Variants in ADA2 observed in about 807,000 individuals in gnomAD.
The protein encoded by ADA2 is adenosine deaminase CECR1.
ADA2 carries 29 observed loss-of-function variants against 44.2 expected under a neutral mutation model. The observed-to-expected ratio is 0.66, with a 90% CI of 0.49 to 0.89. The LOEUF is 0.89. Ranked by LOEUF, ADA2 falls within the 40% of genes least tolerant of loss-of-function variation. The probability of loss-of-function intolerance (pLI) is 0.00; values close to 1 mark genes in which losing one functional copy is unlikely to be tolerated. For synonymous variants in ADA2, 215 were observed against 234.9 expected (o/e 0.92, Z 0.77); for missense variants, 637 against 644.8 (o/e 0.99, Z 0.13).
At chr22:17,205,475 G>A (rs1490224259) in intron 3 of ADA2, among the ~76,000 whole-genome samples, 2 of 152,122 alleles carry the variant, frequency 1.3e-5, no homozygotes, top group Admixed American at 6.6e-5. Context: ...ATGGCAGCTC[G>A]AGCAGGTTAA....
At chr22:17,189,565 A>T (rs2062088876) in intron 6 of ADA2, among the ~76,000 whole-genome samples, 1 of 152,114 alleles carries the variant, frequency 6.6e-6, no homozygotes, top group Non-Finnish European at 1.5e-5. Context: ...GGGGCTGGTG[A>T]GGGTTTTAAG....
chr22:17,214,598 C>T (rs1053163625), intron 1 of ADA2, among the ~76,000 whole-genome samples: 1 of 152,114 alleles, frequency 6.6e-6, no homozygotes, highest in Non-Finnish European at 1.5e-5. Flanking sequence ...GCATGGGTGC[C>T]CCTCCAAGCT....
At chr22:17,198,500 A>T (rs2062222383) in intron 4 of ADA2, 1 of 152,242 alleles carries the variant, frequency 6.6e-6, no homozygotes, top group Non-Finnish European at 1.5e-5. Context: ...TCATTCAGCA[A>T]GGAGCCAAAT....
At position 17,203,543 on chromosome 22, in the gene ADA2, G is replaced by C. The variant is rs2286349; in HGVS notation, c.753+20C>G. ...CAGAGCAAAGGAGGTGGGAGGAACA[G>C]AGAGGAGAGCTGGGCTCACCGGCAG... is the stretch of plus-strand genomic sequence containing the variant. On this transcript the variant is annotated intron_variant, in intron 4 of 9. Transcript: ENST00000399837. 3.3e-5 allele frequency: 53 copies of C among 1,598,476 alleles called. No homozygotes were observed. In the East Asian group the frequency reaches 1.2e-3, roughly 35 times the overall value.
At chr22:17,211,230 A>G (rs5748945) in intron 1 of ADA2, among the ~76,000 whole-genome samples, 85,348 of 151,404 alleles carry the variant, frequency 0.56, 25,170 homozygotes, top group East Asian at 0.93. Flanking sequence ...ATGGTGACGC[A>G]TGCCTGTAGT....
At chr22:17,210,595 A>T (rs1363489427) in intron 1 of ADA2, among the ~76,000 whole-genome samples, 1 of 151,742 alleles carries the variant, frequency 6.6e-6, no homozygotes, top group East Asian at 1.9e-4. Flanking sequence ...TATTTTATTT[A>T]TTTTAATTTT....
At chr22:17,219,784 C>T (rs1344286862), upstream of ADA2, among the ~76,000 whole-genome samples, 2 of 148,594 alleles carry the variant, frequency 1.3e-5, no homozygotes, top group East Asian at 2.0e-4. Context: ...AAGCAGTTCT[C>T]CTGCCTCAGC....
intron 7 of ADA2, 67 bp downstream of exon 7, chr22:17,188,272 G>A (rs1474870164): frequency 2.9e-5 from 34 of 1,158,408 alleles, no homozygotes; most frequent in Non-Finnish European, 4.1e-5. Flanking sequence ...CCTGAGGCAT[G>A]GGCCTGTGGC....
chr22:17,209,738 G>A lies in ADA2; in HGVS notation c.-46-15C>T, dbSNP rs1056885131. ...ACTCCACGGGACTGCAAAGGAGAGT[G>A]GGGGAGTGAAAACCTACAGATTTAA... On this transcript the variant is annotated splice_polypyrimidine_tract_variant and intron_variant, in intron 1 of 9. Transcript: ENST00000399837. 3.7e-5 allele frequency: 51 copies of A among 1,366,774 alleles called. No homozygotes were observed. In the South Asian group the frequency reaches 5.0e-4, roughly 13 times the overall value. The allele number at this position is 1,366,774 out of a possible 1,614,324, so 84.7% of individuals were successfully genotyped here.
At chr22:17,195,446 T>C (rs5994194) in intron 4 of ADA2, among the ~76,000 whole-genome samples, 11,857 of 152,042 alleles carry the variant, frequency 0.078, 1,238 homozygotes, top group African/African-American at 0.24. Flanking sequence ...GGAGAATCGC[T>C]TGAACCCGGG....
chr22:17,199,805 GGCATGGCTC>G lies in ADA2; in HGVS notation c.753+3749_753+3757del, dbSNP rs1450261984. The G allele has an allele frequency of 2.2e-6, 3 of 1,372,144 alleles. No homozygotes were observed. The Admixed American group carries it at 8.6e-5, about 39-fold the overall frequency. The allele number at this position is 1,372,144 out of a possible 1,614,324, so 85.0% of individuals were successfully genotyped here. On this transcript the variant is annotated intron_variant, in intron 4 of 9. Transcript: ENST00000399837. ...CATCAATAAGATGAATTAATAGCTG[GGCATGGCTC>G]GCGTCTGTAATCCTAGTACTTTGGG...
In ADA2 at chr22:17,181,848, G is replaced by C; in HGVS notation, c.1414C>G (p.Leu472Val). The C allele has an allele frequency of 6.2e-7, 1 of 1,613,848 alleles. No homozygotes were observed. Among genetic ancestry groups the C allele is most frequent in the Non-Finnish European group, 8.5e-7 (1 of 1,179,964 alleles). ...ATAGAGTTCATGGCCAGCTGTTTGA[G>C]GGTCCTCAGGTCAGCCTTCATCCCC... ...IGGMKADLRT[L>V]KQLAMNSIKY... The change falls in exon 9 of 10, where the codon CTC (leucine) becomes GTC (valine). Residue 472 changes from leucine (L) to valine (V), a missense_variant. Transcript: ENST00000399837.
At chr22:17,221,156 A>AG (rs775461655), upstream of ADA2, among the ~76,000 whole-genome samples, 175 of 151,092 alleles carry the variant, frequency 1.2e-3, no homozygotes, top group South Asian at 7.5e-3. Flanking sequence ...AAAAAAAAAA[A>AG]GAGTTTAACA....
At chr22:17,197,067 G>A (rs2062200491) in intron 4 of ADA2, among the ~76,000 whole-genome samples, 1 of 152,076 alleles carries the variant, frequency 6.6e-6, no homozygotes, top group Non-Finnish European at 1.5e-5. Context: ...CAACTACTCG[G>A]GAGGCTGAGG....
chr22:17,193,883 G>C (rs2062155975), intron 4 of ADA2, among the ~76,000 whole-genome samples: 1 of 150,616 alleles, frequency 6.6e-6, no homozygotes, highest in South Asian at 2.1e-4. Context: ...GGGTCAGAGA[G>C]ATAGACCTGA....
intron 1 of ADA2, among the ~76,000 whole-genome samples, chr22:17,218,922 C>T (rs746567034): frequency 6.6e-6 from 1 of 152,130 alleles, no homozygotes; most frequent in Non-Finnish European, 1.5e-5. Flanking sequence ...TTTGGAAGGC[C>T]GAGGCAGGCA....
upstream of ADA2, chr22:17,219,630 T>TCGTGTGTG (rs893957858): frequency 2.6e-5 from 4 of 151,678 alleles, no homozygotes; most frequent in Non-Finnish European, 5.9e-5. Flanking sequence ...GTTTGTGTGT[T>TCGTGTGTG]CGTGTGTGTT....
chr22:17,205,105 C>T (rs147296481), intron 3 of ADA2, among the ~76,000 whole-genome samples: 176 of 152,162 alleles, frequency 1.2e-3, no homozygotes, highest in African/African-American at 4.1e-3. Context: ...GCAACCTCCG[C>T]CTCCCAGGTT....
chr22:17,205,262 C>T (rs1338647113), intron 3 of ADA2, among the ~76,000 whole-genome samples: 4 of 152,028 alleles, frequency 2.6e-5, no homozygotes, highest in Admixed American at 6.6e-5. Flanking sequence ...TCAAGTGATC[C>T]GCCCACCTCG....
Sources: allele counts gnomAD v4.1 joint callset (sites outside exome capture counted in the v4.1 genomes callset), GRCh38; gene constraint gnomAD v4.1.1; transcripts MANE v1.5; gene names NCBI Gene and HGNC (gene_info 2026-07-23, HGNC 2026-07-21).